LPAR1: variants seen among roughly 807,000 people sequenced by gnomAD.
LPAR1 encodes lysophosphatidic acid receptor 1.
A neutral mutation model predicts 23.8 loss-of-function variants in LPAR1; 5 were observed. The observed-to-expected ratio is 0.21, with a 90% CI of 0.11 to 0.44. The LOEUF (loss-of-function observed/expected upper bound fraction) is 0.44, where lower values mean the gene tolerates loss of function less well. Among genes scored for constraint, LPAR1 ranks in the 20% least tolerant of loss-of-function variants. LPAR1 has a pLI of 0.99. For missense variants in LPAR1, 311 were observed against 482.8 expected (o/e 0.64, Z 3.33); for synonymous variants, 160 against 164.7 (o/e 0.97, Z 0.22).
At chr9:110,939,508 A>G (rs2094947642) in intron 5 of LPAR1, among the ~76,000 whole-genome samples, 1 of 152,182 alleles carries the variant, frequency 6.6e-6, no homozygotes. Context: ...GGAGTATACT[A>G]GTTTAAATAT....
At chr9:111,035,218 T>C (rs2141777001) in intron 2 of LPAR1, among the ~76,000 whole-genome samples, 1 of 144,198 alleles carries the variant, frequency 6.9e-6, no homozygotes. Context: ...TCCATAATAG[T>C]TTTCCCTAAG....
intron 5 of LPAR1, among the ~76,000 whole-genome samples, chr9:110,880,335 GATC>G (rs1203929888): frequency 6.6e-6 from 1 of 152,148 alleles, no homozygotes. Context: ...TGCAGATCGA[GATC>G]ATATTACCAC....
chr9:110,893,259 A>G (rs1480161263), intron 5 of LPAR1, among the ~76,000 whole-genome samples: 1 of 152,364 alleles, frequency 6.6e-6, no homozygotes, highest in South Asian at 2.1e-4. Context: ...TGTGTCATCC[A>G]GATATACTTG....
chr9:111,026,008 C>T (rs377153846), intron 2 of LPAR1, among the ~76,000 whole-genome samples: 6 of 152,080 alleles, frequency 3.9e-5, no homozygotes, highest in African/African-American at 1.2e-4. Context: ...CTTGGCTATA[C>T]GGGCTCTTTT....
chr9:110,916,294 C>T (rs146217644), intron 5 of LPAR1, among the ~76,000 whole-genome samples: 16 of 152,254 alleles, frequency 1.1e-4, no homozygotes, highest in African/African-American at 3.9e-4. Flanking sequence ...GGCAATACAG[C>T]TAGGAATGAC....
chr9:111,015,564 G>T (rs955195734), intron 2 of LPAR1, among the ~76,000 whole-genome samples: 2 of 152,102 alleles, frequency 1.3e-5, no homozygotes, highest in African/African-American at 4.8e-5. Context: ...ACAGTGGGGT[G>T]GGAGATAGGG....
chr9:111,025,052 TGGATATATACCCAGTAATG>T (rs1355088298), intron 2 of LPAR1, among the ~76,000 whole-genome samples: 23 of 152,240 alleles, frequency 1.5e-4, no homozygotes, highest in African/African-American at 5.3e-4. Flanking sequence ...TATAATCCTT[TGGATATATACCCAGTAATG>T]GGATGGCTGG....
At chr9:110,949,218 C>T (rs191015992) in intron 4 of LPAR1, among the ~76,000 whole-genome samples, 79 of 152,218 alleles carry the variant, frequency 5.2e-4, no homozygotes, top group Non-Finnish European at 9.6e-4. Context: ...GCCAGCCACA[C>T]GGGATTCTCT....
At chr9:110,966,378 C>T (rs2096224057) in intron 4 of LPAR1, among the ~76,000 whole-genome samples, 1 of 151,450 alleles carries the variant, frequency 6.6e-6, no homozygotes, top group South Asian at 2.1e-4. Context: ...ACTCAGGAGG[C>T]TGAGGCAGGA....
At chr9:110,922,394 A>G (rs747085436) in intron 5 of LPAR1, among the ~76,000 whole-genome samples, 2 of 152,204 alleles carry the variant, frequency 1.3e-5, no homozygotes, top group Non-Finnish European at 2.9e-5. Flanking sequence ...AATGAAGTGT[A>G]AACATAAAAC....
intron 5 of LPAR1, among the ~76,000 whole-genome samples, chr9:110,895,388 G>A (rs1034199672): frequency 1.5e-4 from 23 of 152,206 alleles, no homozygotes; most frequent in Admixed American, 4.6e-4. Context: ...GCAGACACTG[G>A]GGCCTGGCCA....
At chr9:110,953,361 T>C (rs1347051044) in intron 4 of LPAR1, among the ~76,000 whole-genome samples, 11 of 152,058 alleles carry the variant, frequency 7.2e-5, no homozygotes, top group Non-Finnish European at 1.5e-4. Flanking sequence ...CCAAAGCCAC[T>C]TAAAGAATTA....
At chr9:111,002,063 T>C (rs914144731) in intron 2 of LPAR1, among the ~76,000 whole-genome samples, 1 of 152,204 alleles carries the variant, frequency 6.6e-6, no homozygotes, top group African/African-American at 2.4e-5. Flanking sequence ...TTTTAACATA[T>C]GCTAACCTTC....
chr9:111,010,052 CATAG>C (rs58403873), intron 2 of LPAR1, among the ~76,000 whole-genome samples: 11,986 of 110,920 alleles, frequency 0.11, 930 homozygotes, highest in African/African-American at 0.22. Flanking sequence ...TATATGGATA[CATAG>C]ATAGGTCAGT....
chr9:110,932,762 T>C (rs1022932355), intron 5 of LPAR1, among the ~76,000 whole-genome samples: 2 of 152,242 alleles, frequency 1.3e-5, no homozygotes, highest in Non-Finnish European at 2.9e-5. Context: ...GTGCTTCTTA[T>C]GAGAATCTAA....
At chr9:110,923,421 G>A (rs1280079161) in intron 5 of LPAR1, among the ~76,000 whole-genome samples, 2 of 152,044 alleles carry the variant, frequency 1.3e-5, no homozygotes, top group Non-Finnish European at 2.9e-5. Flanking sequence ...TTTCATTTCA[G>A]TATTCAATAA....
intron 2 of LPAR1, among the ~76,000 whole-genome samples, chr9:111,004,728 C>T (rs2097183927): frequency 6.6e-6 from 1 of 152,276 alleles, no homozygotes; most frequent in Middle Eastern, 3.4e-3. Context: ...GTACTTGGCC[C>T]TTTCCTATTC....
chr9:110,961,955 A>G (rs1588560407), intron 4 of LPAR1, among the ~76,000 whole-genome samples: 1 of 152,228 alleles, frequency 6.6e-6, no homozygotes, highest in Non-Finnish European at 1.5e-5. Context: ...CATATCATGT[A>G]TATTTGTGAT....
chr9:111,023,604 T>A (rs916188631), intron 2 of LPAR1, among the ~76,000 whole-genome samples: 5 of 152,108 alleles, frequency 3.3e-5, no homozygotes, highest in South Asian at 4.1e-4. Context: ...ATCACTCTAT[T>A]CCCAGCTACT....
Sources: gnomAD v4.1 joint callset for allele counts (sites outside exome capture counted in the v4.1 genomes callset) on GRCh38, gnomAD v4.1.1 for gene constraint, MANE v1.5 for transcripts, NCBI Gene and HGNC (gene_info 2026-07-23, HGNC 2026-07-21) for gene names.